Variants in C16orf96 observed in about 807,000 individuals in gnomAD.
The protein encoded by C16orf96 is chromosome 16 open reading frame 96.
A neutral mutation model predicts 103.6 loss-of-function variants in C16orf96; 108 were observed. That is an observed-to-expected ratio of 1.04 (90% CI 0.89 to 1.22). The LOEUF is 1.22. Ranked by LOEUF, C16orf96 falls within the 50% of genes most tolerant of loss-of-function variation. The pLI, the probability that C16orf96 is intolerant of heterozygous loss-of-function variation, is 0.00. For synonymous variants in C16orf96, 566 were observed against 593.5 expected (o/e 0.95, Z 0.67); for missense variants, 1,586 against 1,464.2 (o/e 1.08, Z -1.36).
At chr16:4,587,692 T>G (rs1896961739) in intron 8 of C16orf96, among the ~76,000 whole-genome samples, 1 of 152,086 alleles carries the variant, frequency 6.6e-6, no homozygotes, top group African/African-American at 2.4e-5. Flanking sequence ...CCCAGCACTT[T>G]GGGAGGCCGA....
chr16:4,568,110 G>A (rs1322752009), intron 1 of C16orf96, among the ~76,000 whole-genome samples: 1 of 151,992 alleles, frequency 6.6e-6, no homozygotes, highest in African/African-American at 2.4e-5. Context: ...TCACTATGTT[G>A]CCCAGGCTGG....
chr16:4,565,877 C>T (rs553301868), intron 1 of C16orf96, among the ~76,000 whole-genome samples: 1 of 152,336 alleles, frequency 6.6e-6, no homozygotes, highest in African/African-American at 2.4e-5. Context: ...AGGTCTTGCT[C>T]TGTTGCCCTG....
Position 4,571,593 on chromosome 16 carries a change from T to C in C16orf96, c.453T>C (p.Asp151=). ...AGACCCTGCAGGACTTGCTCACTGA[T>C]CTTCATGCACTCCAGGTCACCATCA... is the stretch of plus-strand genomic sequence containing the variant. ...SMQTLQDLLT[D]LHALQVTITA... Residue 151 remains aspartate (D), a synonymous_variant, in exon 2 of 16, where the codon GAT becomes GAC. Transcript: ENST00000444310. The C allele has an allele frequency of 6.4e-7, 1 of 1,552,286 alleles. No individual in the cohort carries two copies. The highest frequency in any genetic ancestry group is 8.7e-7 in the Non-Finnish European group (1 of 1,147,084).
At chr16:4,571,523 C>A in intron 1 of C16orf96, 38 bp from the exon 2 acceptor site, 1 of 1,520,104 alleles carries the variant, frequency 6.6e-7, no homozygotes, top group Non-Finnish European at 8.9e-7. Context: ...TCTCCCCCAG[C>A]CATACCCGGC....
intron 1 of C16orf96, among the ~76,000 whole-genome samples, chr16:4,566,329 G>A (rs1254774635): frequency 6.6e-6 from 1 of 152,184 alleles, no homozygotes; most frequent in Non-Finnish European, 1.5e-5. Flanking sequence ...TCTCCTTATG[G>A]TTAACAGCAC....
intron 7 of C16orf96, among the ~76,000 whole-genome samples, chr16:4,586,579 T>A (rs910181659): frequency 2.6e-5 from 4 of 152,094 alleles, no homozygotes; most frequent in Non-Finnish European, 4.4e-5. Flanking sequence ...ATGGGGGCAG[T>A]TGGTTCTTTG....
At chr16:4,558,913 C>CAAAAA (rs771691344) in intron 1 of C16orf96, among the ~76,000 whole-genome samples, 1 of 51,384 alleles carries the variant, frequency 1.9e-5, no homozygotes, top group African/African-American at 6.2e-5. Context: ...GACTCTGTCT[C>CAAAAA]AAAAAAAAAA....
intron 2 of C16orf96, among the ~76,000 whole-genome samples, chr16:4,573,689 T>G (rs1222648937): frequency 2.1e-5 from 3 of 145,940 alleles, no homozygotes; most frequent in Non-Finnish European, 4.5e-5. Flanking sequence ...GAAGTGGAGC[T>G]TGCAGTGAGC....
intron 7 of C16orf96, among the ~76,000 whole-genome samples, chr16:4,586,157 G>A (rs1432619730): frequency 6.6e-6 from 1 of 152,196 alleles, no homozygotes; most frequent in Admixed American, 6.5e-5. Context: ...CTACTCGGGA[G>A]GCTGAGGTGG....
At position 4,575,916 on chromosome 16, in the gene C16orf96, C is replaced by T. The variant is rs1257959602; in HGVS notation, c.1436C>T (p.Pro479Leu). 1 of 1,551,440 alleles carries T rather than the reference C, an allele frequency of 6.4e-7. No homozygotes were observed. Among genetic ancestry groups the T allele is most frequent in the Non-Finnish European group, 8.7e-7 (1 of 1,146,978 alleles). The stretch of plus-strand genomic sequence containing the variant: ...GAGAGGGCCCGCAAGGATGGGGCCC[C>T]CAAGGATAGAACTCGCAAGGATGGG... ...LRERARKDGA[P>L]KDRTRKDGVP... Residue 479 changes from proline to leucine, a missense_variant, in exon 5 of 16, where the codon CCC becomes CTC. By Grantham distance (98) the Pro-to-Leu change is moderately conservative. Coordinates refer to ENST00000444310, the MANE Select transcript of C16orf96 (RefSeq NM_001145011.2).
chr16:4,598,257 G>A lies in C16orf96; in HGVS notation c.3128-1027G>A, dbSNP rs375325384. 3.7e-4 allele frequency among the ~76,000 whole-genome samples: 57 copies of A among 152,146 alleles called. No homozygotes were observed. In the South Asian group the frequency reaches 0.011, roughly 28 times the overall value. ...TCCCAGCTACTTGGGGGGCTGAGGC[G>A]GGAGGATCACTTGAGCCCAGGAGGT... On this transcript the variant is annotated intron_variant, in intron 14 of 15. Coordinates refer to ENST00000444310, the MANE Select transcript of C16orf96 (RefSeq NM_001145011.2).
rs1414561963 is a variant in C16orf96 at position 4,556,745 on chromosome 16, A to C, written c.256A>C (p.Ser86Arg). The C allele has an allele frequency of 1.3e-6, 2 of 1,551,466 alleles. No individual in the cohort carries two copies. Among genetic ancestry groups the C allele is most frequent in the Non-Finnish European group, 1.7e-6 (2 of 1,147,004 alleles). ...RLSNVFDHVV[S>R]RLDKLENQLA... ...CAGCAATGTCTTCGACCACGTGGTG[A>C]GCCGCCTCGACAAGTTGGAGAACCA... Residue 86 changes from serine to arginine, a missense_variant, in exon 1 of 16, where the codon AGC (serine) becomes CGC (arginine). Transcript: ENST00000444310.
rs1471582177 is a variant in C16orf96 at position 4,575,391 on chromosome 16, A to G, written c.911A>G (p.Gln304Arg). 6 of 1,550,826 alleles carry G rather than the reference A, an allele frequency of 3.9e-6. No individual in the cohort carries two copies. The highest frequency in any genetic ancestry group is 5.2e-6 in the Non-Finnish European group (6 of 1,146,940). The change falls in exon 5 of 16, where the codon CAG (glutamine) becomes CGG (arginine). Residue 304 changes from glutamine to arginine, a missense_variant. Physicochemically the swap from Gln to Arg is conservative, Grantham distance 43. Coordinates refer to ENST00000444310, the MANE Select transcript of C16orf96 (RefSeq NM_001145011.2). ...CAAGCAGTTTCACTCAGCAGAGCCC[A>G]GGAGCCAGCGCAGCCTCCGGCCCTC... ...SAQAVSLSRA[Q>R]EPAQPPALTP...
rs1403324904 is a variant in C16orf96 at position 4,576,572 on chromosome 16, G to A, written c.2092G>A (p.Asp698Asn). 18 of 1,551,416 alleles carry A rather than the reference G, an allele frequency of 1.2e-5. No homozygotes were observed. Among genetic ancestry groups the A allele is most frequent in the Non-Finnish European group, 9.6e-6 (11 of 1,146,998 alleles). ...SHIAQIPVKHDSLKEEFAQLS... is the reference protein window; with the variant it reads ...SHIAQIPVKHNSLKEEFAQLS... Reference sequence around the variant, plus strand: ...CATAGCCCAGATACCTGTCAAACACGACTCTCTGAAGGAAGAATTTGCCCA... The same window carrying A: ...CATAGCCCAGATACCTGTCAAACACAACTCTCTGAAGGAAGAATTTGCCCA... Residue 698 changes from aspartate to asparagine, a missense_variant, in exon 5 of 16, where the codon GAC becomes AAC. Coordinates refer to ENST00000444310, the MANE Select transcript of C16orf96 (RefSeq NM_001145011.2).
intron 7 of C16orf96, among the ~76,000 whole-genome samples, chr16:4,586,792 C>T (rs749836745): frequency 6.6e-6 from 1 of 152,146 alleles, no homozygotes; most frequent in Non-Finnish European, 1.5e-5. Context: ...TCTAACTCCC[C>T]GTGGAGGAAA....
the C16orf96 span, among the ~76,000 whole-genome samples, chr16:4,549,713 G>A: frequency 3.9e-5 from 6 of 152,010 alleles, no homozygotes; most frequent in Non-Finnish European, 7.4e-5. Context: ...CAGGAGAATC[G>A]CTTGAATCTG....
At chr16:4,584,700 A>G (rs1206081210) in intron 7 of C16orf96, among the ~76,000 whole-genome samples, 1 of 151,976 alleles carries the variant, frequency 6.6e-6, no homozygotes, top group African/African-American at 2.4e-5. Flanking sequence ...ACACTCGGCT[A>G]ATTTTTTATT....
At chr16:4,567,606 A>T (rs1474344648) in intron 1 of C16orf96, among the ~76,000 whole-genome samples, 1 of 134,290 alleles carries the variant, frequency 7.4e-6, no homozygotes, top group Non-Finnish European at 1.6e-5. Flanking sequence ...TCCTTTTGTG[A>T]TTTCTTCTTT....
intron 8 of C16orf96, among the ~76,000 whole-genome samples, chr16:4,587,356 C>A (rs1053769928): frequency 6.6e-6 from 1 of 151,748 alleles, no homozygotes; most frequent in South Asian, 2.1e-4. Context: ...GATGAAACTC[C>A]GTCTCTAGTC....
Sources: allele counts gnomAD v4.1 joint callset (sites outside exome capture counted in the v4.1 genomes callset), GRCh38; gene constraint gnomAD v4.1.1; transcripts MANE v1.5; gene names NCBI Gene and HGNC (gene_info 2026-07-23, HGNC 2026-07-21).